SLC6A20: variants seen among roughly 807,000 people sequenced by gnomAD.
SLC6A20 encodes the protein solute carrier family 6 member 20.
A neutral mutation model predicts 64.3 loss-of-function variants in SLC6A20; 73 were observed. That is an observed-to-expected ratio of 1.14 (90% CI 0.94 to 1.38). SLC6A20 has a LOEUF of 1.38. Among genes scored for constraint, SLC6A20 ranks in the 40% most tolerant of loss-of-function variants. The pLI, the probability that SLC6A20 is intolerant of heterozygous loss-of-function variation, is 0.00. For synonymous variants in SLC6A20, 347 were observed against 329.6 expected (o/e 1.05, Z -0.57); for missense variants, 725 against 772.8 (o/e 0.94, Z 0.73).
At chr3:45,769,471 A>C (rs1699824109) in intron 7 of SLC6A20, among the ~76,000 whole-genome samples, 1 of 149,116 alleles carries the variant, frequency 6.7e-6, no homozygotes, top group Non-Finnish European at 1.5e-5. Flanking sequence ...AGTAGCAAAA[A>C]TTAAAAAAAA....
At chr3:45,785,977 G>A (rs1050535602) in intron 1 of SLC6A20, among the ~76,000 whole-genome samples, 1 of 152,118 alleles carries the variant, frequency 6.6e-6, no homozygotes, top group Non-Finnish European at 1.5e-5. Context: ...GGAGAACCGA[G>A]GGAGACCAGC....
Position 45,785,613 on chromosome 3 carries a change from TTCTCTCTC to T in SLC6A20, c.122-3398_122-3391del, listed in dbSNP as rs60563353. 8.9e-4 allele frequency among the ~76,000 whole-genome samples: 125 copies of T among 141,094 alleles called. 1 individual carries two copies. The highest frequency in any genetic ancestry group is 5.1e-3 in the East Asian group (24 of 4,680). The allele number at this position is 141,094 out of a possible 152,430, so 92.6% of individuals were successfully genotyped here. ...GAGTTAATACTTAATAAACTCCCCT[TTCTCTCTC>T]TCTCTCTCTCTCTCTCTCTCTCTCT... On this transcript the variant is annotated intron_variant, in intron 1 of 10. Coordinates refer to ENST00000358525, the MANE Select transcript of SLC6A20 (RefSeq NM_020208.4).
rs746030819 is a variant in SLC6A20, at chr3:45,763,092, C to A, written c.1304-20G>T. On this transcript the variant is annotated intron_variant, in intron 8 of 10. Transcript: ENST00000358525. ...CCAGACCTGGGGGCCACAAGACCAG[C>A]TGCTCACCTGCCCGAGACCCCCCCA... 3.7e-6 allele frequency: 6 copies of A among 1,612,964 alleles called. No individual in the cohort carries two copies. In the African/African-American group the frequency reaches 6.7e-5, roughly 18 times the overall value.
chr3:45,784,907 A>T (rs1452294697), intron 1 of SLC6A20, among the ~76,000 whole-genome samples: 1 of 152,146 alleles, frequency 6.6e-6, no homozygotes, highest in Non-Finnish European at 1.5e-5. Flanking sequence ...AGGGAGCAAG[A>T]GGGGGCTGAA....
chr3:45,759,937 TCAG>T lies in SLC6A20; in HGVS notation c.1546_1548del (p.Leu516del). The T allele has an allele frequency of 6.2e-7, 1 of 1,614,108 alleles. No individual in the cohort carries two copies. The highest frequency in any genetic ancestry group is 8.5e-7 in the Non-Finnish European group (1 of 1,180,006). On this transcript the variant is annotated inframe_deletion, in exon 10 of 11. Transcript: ENST00000358525. ...AGGTAGAAGACAAAGAGGCTGACAATCAGCAGTGGGCTTACGCCAGCCCACATC... is the reference window on the plus strand; with the variant it reads ...AGGTAGAAGACAAAGAGGCTGACAATCAGTGGGCTTACGCCAGCCCACATC...
Position 45,758,460 on chromosome 3 carries a change from TA to T in SLC6A20, c.*517del. On this transcript the variant is annotated 3_prime_UTR_variant, in exon 11 of 11. Transcript: ENST00000358525. ...CTTTATAACTTGTCATCCTAAGATT[TA>T]AAGGGTGGAAGGGGAACACAGAAAT... The T allele has an allele frequency of 1.6e-6, 2 of 1,260,270 alleles. No individual in the cohort carries two copies. The highest frequency in any genetic ancestry group is 2.0e-6 in the Non-Finnish European group (2 of 977,338). 78.1% of individuals were successfully genotyped at this position (1,260,270 alleles called of 1,614,324 possible).
Position 45,757,005 on chromosome 3 carries a change from T to C in SLC6A20, c.*1973A>G, listed in dbSNP as rs1699557394. 1 of 151,988 alleles carries C rather than the reference T, an allele frequency of 6.6e-6. No homozygotes were observed. Among genetic ancestry groups the C allele is most frequent in the Non-Finnish European group, 1.5e-5 (1 of 68,022 alleles). The allele number at this position is 151,988 out of a possible 1,614,324, so 9.4% of individuals were successfully genotyped here. The stretch of plus-strand genomic sequence containing the variant: ...AAACATGTGAGCAAAGGAATCTGTA[T>C]CACGAATAAGTTCAAGGAAAGGTAC... On this transcript the variant is annotated 3_prime_UTR_variant, in exon 11 of 11. Coordinates refer to ENST00000358525, the MANE Select transcript of SLC6A20 (RefSeq NM_020208.4).
chr3:45,765,802 C>T lies in SLC6A20; in HGVS notation c.1099-61G>A, dbSNP rs1559563124. 1 of 1,583,038 alleles carries T rather than the reference C, an allele frequency of 6.3e-7. No homozygotes were observed. Among genetic ancestry groups the T allele is most frequent in the East Asian group, 2.2e-5 (1 of 44,722 alleles). On this transcript the variant is annotated intron_variant, in intron 7 of 10. Coordinates refer to ENST00000358525, the MANE Select transcript of SLC6A20 (RefSeq NM_020208.4). The surrounding 1 kb of genome is among the most constrained non-coding windows in gnomAD (Gnocchi z 4.2). ...AGGGACTTATAGTCTTATTCACGCA[C>T]TCAGTACTAAGCAACATGGGGGACC... is the stretch of plus-strand genomic sequence containing the variant.
chr3:45,759,122 C>T lies in SLC6A20; in HGVS notation c.1635G>A (p.Gln545=). The change falls in exon 11 of 11, where the codon CAG becomes CAA. Residue 545 remains glutamine (Q), a synonymous_variant. Coordinates refer to ENST00000358525, the MANE Select transcript of SLC6A20 (RefSeq NM_020208.4). The part of the protein sequence containing the change: ...KYQAWDASQG[Q]LVTKDYPAYA... ...AGGCCGGGTAATCTTTGGTCACGAG[C>T]TGGCCCTGAAAGGAGAGACTGAGTG... The T allele has an allele frequency of 1.2e-6, 2 of 1,609,682 alleles. No individual in the cohort carries two copies. Among genetic ancestry groups the T allele is most frequent in the Non-Finnish European group, 1.7e-6 (2 of 1,178,530 alleles).
chr3:45,777,632 G>A (rs1699992800), intron 3 of SLC6A20, among the ~76,000 whole-genome samples: 1 of 152,224 alleles, frequency 6.6e-6, no homozygotes, highest in African/African-American at 2.4e-5. Context: ...CCTGAATGAT[G>A]CGGGTGCAGG....
At position 45,796,460 on chromosome 3, in the gene SLC6A20, G is replaced by T. The variant is rs751809850; in HGVS notation, c.-41C>A. 6.3e-7 allele frequency: 1 copy of T among 1,589,922 alleles called. No homozygotes were observed. Among genetic ancestry groups the T allele is most frequent in the Non-Finnish European group, 8.6e-7 (1 of 1,168,548 alleles). ...GCGCTCGGCTCCGGCTCGGGGGTCCGGCACGGCAGTCTCAGTGCGCGGTCG... is the reference window on the plus strand; with the variant it reads ...GCGCTCGGCTCCGGCTCGGGGGTCCTGCACGGCAGTCTCAGTGCGCGGTCG... On this transcript the variant is annotated 5_prime_UTR_variant, in exon 1 of 11. Transcript: ENST00000358525.
intron 2 of SLC6A20, 44 bp downstream of exon 2, chr3:45,782,039 G>T (rs1246901492): frequency 3.2e-6 from 5 of 1,544,942 alleles, no homozygotes; most frequent in Non-Finnish European, 4.4e-6. Context: ...CCCCCATGCT[G>T]CCCGGGTCTC....
chr3:45,767,624 C>T (rs9873753), intron 7 of SLC6A20, among the ~76,000 whole-genome samples: 4,012 of 152,128 alleles, frequency 0.026, 184 homozygotes, highest in African/African-American at 0.09. Context: ...TCAGAGACAA[C>T]GATTATGAGA....
chr3:45,787,148 TA>T (rs1700183121), intron 1 of SLC6A20, among the ~76,000 whole-genome samples: 1 of 152,160 alleles, frequency 6.6e-6, no homozygotes, highest in Non-Finnish European at 1.5e-5. Context: ...ATCAAACCCA[TA>T]CTCCCTCCCT....
chr3:45,757,374 T>TTG lies in SLC6A20; in HGVS notation c.*1603_*1604insCA, dbSNP rs1699565906. 1 of 151,960 alleles carries TTG rather than the reference T, an allele frequency of 6.6e-6. No homozygotes were observed. Among genetic ancestry groups the TTG allele is most frequent in the African/African-American group, 2.4e-5 (1 of 41,326 alleles). 9.4% of individuals were successfully genotyped at this position (151,960 alleles called of 1,614,324 possible). On this transcript the variant is annotated 3_prime_UTR_variant, in exon 11 of 11. Coordinates refer to ENST00000358525, the MANE Select transcript of SLC6A20 (RefSeq NM_020208.4). ...GAGGCCATATCTCAGGCTGTCTCAG[T>TTG]GGGGGGGAAACCTTGGACAATACCC...
intron 7 of SLC6A20, among the ~76,000 whole-genome samples, chr3:45,766,113 G>A (rs964255322): frequency 3.3e-5 from 5 of 152,218 alleles, no homozygotes; most frequent in African/African-American, 4.8e-5. Flanking sequence ...GAGGGAGGGC[G>A]GGGCCAGGGC....
At chr3:45,787,629 GTCACCAGA>G (rs1323414694) in intron 1 of SLC6A20, among the ~76,000 whole-genome samples, 2 of 152,066 alleles carry the variant, frequency 1.3e-5, no homozygotes, top group African/African-American at 2.4e-5. Flanking sequence ...TCCTCCAAGT[GTCACCAGA>G]TCACTCAAAA....
chr3:45,796,231 C>A (rs936980823), intron 1 of SLC6A20, 68 bp downstream of exon 1: 4 of 1,547,074 alleles, frequency 2.6e-6, no homozygotes, highest in Non-Finnish European at 3.5e-6. Flanking sequence ...TGGGTCTAAC[C>A]CCGGCTCGCA....
chr3:45,796,515 T>G lies in SLC6A20; in HGVS notation c.-96A>C. On this transcript the variant is annotated 5_prime_UTR_variant, in exon 1 of 11. Transcript: ENST00000358525. ...GCGCGCCGTCCCACCCCGGCTCGGCTTGGGGGTGGCCCCGCGCCTCCGCCG... is the reference window on the plus strand; with the variant it reads ...GCGCGCCGTCCCACCCCGGCTCGGCGTGGGGGTGGCCCCGCGCCTCCGCCG... 7.7e-7 allele frequency: 1 copy of G among 1,297,900 alleles called. No homozygotes were observed. The highest frequency in any genetic ancestry group is 1.6e-5 in the African/African-American group (1 of 63,950). 80.4% of individuals were successfully genotyped at this position (1,297,900 alleles called of 1,614,324 possible).
Sources: allele counts gnomAD v4.1 joint callset (sites outside exome capture counted in the v4.1 genomes callset), GRCh38; gene constraint gnomAD v4.1.1; non-coding constraint Gnocchi (gnomAD v3.1); transcripts MANE v1.5; gene names NCBI Gene and HGNC (gene_info 2026-07-23, HGNC 2026-07-21).